METTL8: variants seen among roughly 807,000 people sequenced by gnomAD.
The protein encoded by METTL8 is tRNA N(3)-cytidine methyltransferase METTL8, mitochondrial.
Under a neutral mutation model 48.7 loss-of-function variants are expected in METTL8, and 32 were observed. The observed-to-expected ratio is 0.66, with a 90% CI of 0.50 to 0.88. METTL8 has a LOEUF of 0.88. Among genes scored for constraint, METTL8 ranks in the 40% least tolerant of loss-of-function variants. METTL8 has a pLI of 0.00. For synonymous variants in METTL8, 136 were observed against 157.1 expected, an observed-to-expected ratio of 0.87 and a Z score of 1.01; for missense variants, 464 against 474.4, an observed-to-expected ratio of 0.98 and a Z score of 0.20.
chr2:171,363,107 A>G (rs1685331430), intron 2 of METTL8, among the ~76,000 whole-genome samples: 1 of 152,112 alleles, frequency 6.6e-6, no homozygotes, highest in South Asian at 2.1e-4. Context: ...TTCTTATTTA[A>G]TAGATTTAGT....
At chr2:171,333,185 G>A (rs200631324) in intron 5 of METTL8, among the ~76,000 whole-genome samples, 2 of 150,538 alleles carry the variant, frequency 1.3e-5, no homozygotes, top group African/African-American at 4.9e-5. Flanking sequence ...TGCAGTCTCC[G>A]CCTCCTGGGT....
intron 2 of METTL8, among the ~76,000 whole-genome samples, chr2:171,362,507 C>T (rs1267409752): frequency 6.6e-6 from 1 of 151,568 alleles, no homozygotes; most frequent in East Asian, 1.9e-4. Flanking sequence ...GGGTATATTC[C>T]AGTGACCTGG....
chr2:171,390,772 G>A (rs1307707592), intron 2 of METTL8, among the ~76,000 whole-genome samples: 3 of 152,126 alleles, frequency 2.0e-5, no homozygotes, highest in African/African-American at 7.2e-5. Context: ...GAATCTACTT[G>A]GGGTGAAGAC....
intron 3 of METTL8, among the ~76,000 whole-genome samples, chr2:171,340,116 T>G (rs971242246): frequency 4.0e-5 from 6 of 151,524 alleles, no homozygotes; most frequent in African/African-American, 1.5e-4. Context: ...GAGAATTGCT[T>G]GAACCTGGGA....
At chr2:171,364,186 A>G (rs1685491477) in intron 2 of METTL8, among the ~76,000 whole-genome samples, 2 of 152,154 alleles carry the variant, frequency 1.3e-5, no homozygotes, top group African/African-American at 2.4e-5. Flanking sequence ...TAAGTGGTGA[A>G]CTAAAACCAA....
chr2:171,360,721 T>C (rs904369559), intron 2 of METTL8, among the ~76,000 whole-genome samples: 12 of 152,212 alleles, frequency 7.9e-5, no homozygotes, highest in African/African-American at 2.7e-4. Context: ...TGTTTAAATC[T>C]GGTTGTGCTG....
At chr2:171,359,652 C>T (rs533794149) in intron 3 of METTL8, among the ~76,000 whole-genome samples, 133 of 151,644 alleles carry the variant, frequency 8.8e-4, no homozygotes, top group African/African-American at 3.0e-3. Context: ...CTCGCTCTGT[C>T]GCCAGGCTGG....
chr2:171,404,722 G>A (rs779080543), intron 1 of METTL8, among the ~76,000 whole-genome samples: 7 of 152,026 alleles, frequency 4.6e-5, no homozygotes, highest in Non-Finnish European at 8.8e-5. Flanking sequence ...TTATACTACC[G>A]ATGACTGATC....
chr2:171,344,444 C>T (rs567560923), intron 3 of METTL8, among the ~76,000 whole-genome samples: 1 of 152,332 alleles, frequency 6.6e-6, no homozygotes, highest in African/African-American at 2.4e-5. Context: ...CTGATTCATA[C>T]TTTCTTCTCA....
intron 1 of METTL8, among the ~76,000 whole-genome samples, chr2:171,412,905 G>C (rs1366715124): frequency 6.6e-6 from 1 of 152,170 alleles, no homozygotes; most frequent in Non-Finnish European, 1.5e-5. Context: ...GCAAAAATTA[G>C]AATTCTGGAA....
chr2:171,323,623 T>C lies in METTL8; in HGVS notation c.*549A>G, dbSNP rs1684652047. 6.6e-6 allele frequency: 1 copy of C among 152,114 alleles called. No individual in the cohort carries two copies. The highest frequency in any genetic ancestry group is 1.9e-4 in the East Asian group (1 of 5,202). The allele number at this position is 152,114 out of a possible 1,614,324, so 9.4% of individuals were successfully genotyped here. A position where few individuals can be genotyped will look rare whatever the true frequency, so the allele number is the denominator to read the frequency against. ...TTAGGAAAGGAAAGAGGAACTAAAA[T>C]TCTATTTCAGATATGAGCCTCTGAA... On this transcript the variant is annotated 3_prime_UTR_variant, in exon 10 of 10. Coordinates refer to ENST00000375258, the MANE Select transcript of METTL8 (RefSeq NM_001321154.2).
intron 2 of METTL8, among the ~76,000 whole-genome samples, chr2:171,380,337 A>G (rs1457902782): frequency 1.3e-5 from 2 of 152,234 alleles, no homozygotes; most frequent in African/African-American, 2.4e-5. Flanking sequence ...GAAAACTGGC[A>G]TAAGACAAGG....
chr2:171,360,627 T>A, intron 2 of METTL8, 114 bp from the exon 3 acceptor site: 1 of 808,416 alleles, frequency 1.2e-6, no homozygotes. Flanking sequence ...TGATACAGAC[T>A]AATTCCACAT....
chr2:171,375,246 G>A (rs1358368852), intron 2 of METTL8: 3 of 1,166,038 alleles, frequency 2.6e-6, no homozygotes, highest in African/African-American at 3.0e-5. Context: ...GGCCCTTTTT[G>A]GCATGACCGT....
chr2:171,328,614 G>A (rs578137483), intron 7 of METTL8, among the ~76,000 whole-genome samples: 9 of 152,278 alleles, frequency 5.9e-5, no homozygotes, highest in African/African-American at 1.7e-4. Flanking sequence ...GGGTTCCAGT[G>A]ATTCTCCTGC....
Position 171,320,854 on chromosome 2 carries a change from G to C in METTL8, c.*3318C>G, listed in dbSNP as rs1174703000. On this transcript the variant is annotated 3_prime_UTR_variant, in exon 10 of 10. Coordinates refer to ENST00000375258, the MANE Select transcript of METTL8 (RefSeq NM_001321154.2). ...TGACCTCACTCCATTCCATTCTATA[G>C]ACAACTCCTCAACCTCTCTCAATAC... is the stretch of plus-strand genomic sequence containing the variant. 6.6e-6 allele frequency: 1 copy of C among 152,130 alleles called. No homozygotes were observed. The highest frequency in any genetic ancestry group is 1.5e-5 in the Non-Finnish European group (1 of 68,028). The allele number at this position is 152,130 out of a possible 1,614,324, so 9.4% of individuals were successfully genotyped here. A position where few individuals can be genotyped will look rare whatever the true frequency, so the allele number is the denominator to read the frequency against.
intron 2 of METTL8, chr2:171,375,415 T>G (rs1005068126): frequency 1.6e-6 from 1 of 606,762 alleles, no homozygotes; most frequent in Non-Finnish European, 2.9e-6. Context: ...TTATACCATT[T>G]TATATTCCCA....
chr2:171,397,553 CAAAAAAAAAA>C (rs34936693), intron 1 of METTL8, among the ~76,000 whole-genome samples: 1 of 52,132 alleles, frequency 1.9e-5, no homozygotes, highest in Non-Finnish European at 3.9e-5. Context: ...AACCCTGCCT[CAAAAAAAAAA>C]AAAAAAAAAA....
chr2:171,338,250 T>C (rs1686322887), intron 4 of METTL8, among the ~76,000 whole-genome samples: 1 of 152,134 alleles, frequency 6.6e-6, no homozygotes, highest in Non-Finnish European at 1.5e-5. Flanking sequence ...CATCAAAATA[T>C]TTACAGAGAA....
Sources: gnomAD v4.1 joint callset for allele counts (sites outside exome capture counted in the v4.1 genomes callset) on GRCh38, gnomAD v4.1.1 for gene constraint, MANE v1.5 for transcripts, NCBI Gene and HGNC (gene_info 2026-07-23, HGNC 2026-07-21) for gene names.